ASTN2: variants seen among roughly 807,000 people sequenced by gnomAD.
ASTN2 encodes the protein astrotactin 2, also known as astrotactin-2.
ASTN2 carries 54 observed loss-of-function variants against 139.8 expected under a neutral mutation model. The ratio of observed to expected loss-of-function variants is 0.39; its 90% CI spans 0.31 to 0.48. The LOEUF (loss-of-function observed/expected upper bound fraction) is 0.48, where lower values mean the gene tolerates loss of function less well. ASTN2 is among the 20% of genes least tolerant of loss of function. The probability of loss-of-function intolerance (pLI) is 0.95; values close to 1 mark genes in which losing one functional copy is unlikely to be tolerated. For missense variants in ASTN2, 1,565 were observed against 1,725.1 expected, an observed-to-expected ratio of 0.91 and a Z score of 1.64; for synonymous variants, 756 against 719.5, an observed-to-expected ratio of 1.05 and a Z score of -0.81.
chr9:116,826,751 G>A lies in ASTN2; in HGVS notation c.2041-5968C>T, dbSNP rs146966570. ...CCCTCAAAAACCTACTAACACTGAA[G>A]CCAGTGTAAGCTACTTCGGGGCCTA... On this transcript the variant is annotated intron_variant, in intron 11 of 22. Transcript: ENST00000313400. 2.6e-5 allele frequency among the ~76,000 whole-genome samples: 4 copies of A among 152,174 alleles called. No individual in the cohort carries two copies. The East Asian group carries it at 7.8e-4, about 30-fold the overall frequency.
At chr9:116,610,049 G>T (rs979079400) in intron 19 of ASTN2, among the ~76,000 whole-genome samples, 2 of 151,604 alleles carry the variant, frequency 1.3e-5, no homozygotes, top group African/African-American at 4.8e-5. Flanking sequence ...AATAAAAGAT[G>T]GGATAATATT....
intron 6 of ASTN2, among the ~76,000 whole-genome samples, chr9:117,028,885 G>C (rs1838171982): frequency 6.6e-6 from 1 of 152,134 alleles, no homozygotes; most frequent in African/African-American, 2.4e-5. Flanking sequence ...CTCCATTTAA[G>C]ATACTGGGGC....
intron 1 of ASTN2, among the ~76,000 whole-genome samples, chr9:117,303,993 T>C (rs1016642521): frequency 6.6e-6 from 1 of 152,196 alleles, no homozygotes; most frequent in Non-Finnish European, 1.5e-5. Flanking sequence ...ATGGCCCATC[T>C]GCCTATGCTG....
At chr9:116,587,841 G>A (rs1218700993) in intron 19 of ASTN2, among the ~76,000 whole-genome samples, 1 of 110,316 alleles carries the variant, frequency 9.1e-6, no homozygotes, top group Non-Finnish European at 1.9e-5. Context: ...TTACTGAAAG[G>A]CAGGAGATGC....
At chr9:116,896,795 G>A (rs751659614) in intron 10 of ASTN2, among the ~76,000 whole-genome samples, 11 of 152,124 alleles carry the variant, frequency 7.2e-5, no homozygotes, top group Non-Finnish European at 1.3e-4. Flanking sequence ...GATCTCATGA[G>A]AACTCACTCA....
At chr9:117,193,221 T>C (rs1410486036) in intron 3 of ASTN2, among the ~76,000 whole-genome samples, 2 of 152,128 alleles carry the variant, frequency 1.3e-5, no homozygotes, top group African/African-American at 4.8e-5. Flanking sequence ...AGGACAGAAC[T>C]ATGAGCCTTC....
At chr9:116,770,424 A>T (rs537100319) in intron 13 of ASTN2, among the ~76,000 whole-genome samples, 37 of 152,250 alleles carry the variant, frequency 2.4e-4, no homozygotes, top group African/African-American at 8.7e-4. Context: ...CAGGTGCCTT[A>T]TATACAATAT....
At chr9:116,996,183 C>A (rs867297095) in intron 7 of ASTN2, among the ~76,000 whole-genome samples, 1 of 152,066 alleles carries the variant, frequency 6.6e-6, no homozygotes, top group African/African-American at 2.4e-5. Context: ...GCCACCACAC[C>A]CAGCCCCCAT....
At chr9:116,580,164 G>T (rs1440314235) in intron 19 of ASTN2, among the ~76,000 whole-genome samples, 1 of 152,200 alleles carries the variant, frequency 6.6e-6, no homozygotes, top group African/African-American at 2.4e-5. Flanking sequence ...ATAACTAGAG[G>T]CCCTTCGTTG....
rs751612533 is a variant in ASTN2, at chr9:116,862,807, T to TACACACAC, written c.2040+768_2040+775dup. ...TTCAAGATACCCCAACACACACAAATACACACACACACACACACACACACA... is the reference window on the plus strand; with the variant it reads ...TTCAAGATACCCCAACACACACAAATACACACACACACACACACACACACACACACACA... On this transcript the variant is annotated intron_variant, in intron 11 of 22. Transcript: ENST00000313400. Among the ~76,000 whole-genome samples, 707 of 90,902 alleles carry TACACACAC rather than the reference T, an allele frequency of 7.8e-3. 1 individual carries two copies. Among genetic ancestry groups the TACACACAC allele is most frequent in the East Asian group, 0.021 (66 of 3,084 alleles). 59.6% of individuals were successfully genotyped at this position (90,902 alleles called of 152,430 possible).
intron 2 of ASTN2, among the ~76,000 whole-genome samples, chr9:117,255,351 C>T (rs751634930): frequency 1.3e-5 from 2 of 152,230 alleles, no homozygotes; most frequent in African/African-American, 2.4e-5. Context: ...TACTGAATGC[C>T]TACCATGTGC....
chr9:116,769,511 T>C (rs1169823142), intron 13 of ASTN2, among the ~76,000 whole-genome samples: 1 of 152,138 alleles, frequency 6.6e-6, no homozygotes, highest in African/African-American at 2.4e-5. Flanking sequence ...CAAACACTTA[T>C]GGGCTGAAGG....
chr9:116,914,814 C>T lies in ASTN2; in HGVS notation c.1890-51081G>A, dbSNP rs1433894243. 5.9e-5 allele frequency among the ~76,000 whole-genome samples: 9 copies of T among 152,222 alleles called. No homozygotes were observed. In the East Asian group the frequency reaches 1.5e-3, roughly 26 times the overall value. On this transcript the variant is annotated intron_variant, in intron 10 of 22. Coordinates refer to ENST00000313400, the MANE Select transcript of ASTN2 (RefSeq NM_001365068.1). ...TTTAATGTTCGCTGGCTAATTTAAT[C>T]CCTCCCACTGCACCTCAAAGTGGAT... is the stretch of plus-strand genomic sequence containing the variant.
intron 11 of ASTN2, among the ~76,000 whole-genome samples, chr9:116,829,570 AGAG>A (rs1175595158): frequency 6.6e-6 from 1 of 152,130 alleles, no homozygotes; most frequent in Admixed American, 6.6e-5. Context: ...TGAAGAGGAA[AGAG>A]GCACGTCTTC....
chr9:117,116,774 GTC>G (rs1176526460), intron 4 of ASTN2, among the ~76,000 whole-genome samples: 1 of 116,854 alleles, frequency 8.6e-6, no homozygotes, highest in East Asian at 2.9e-4. Flanking sequence ...TTCCTAAAAA[GTC>G]TCTCTGTGTG....
chr9:117,110,732 C>G (rs1052864551), intron 4 of ASTN2, among the ~76,000 whole-genome samples: 1 of 152,174 alleles, frequency 6.6e-6, no homozygotes, highest in Non-Finnish European at 1.5e-5. Context: ...AAGTAGCCAG[C>G]ACAGGATGAA....
intron 11 of ASTN2, among the ~76,000 whole-genome samples, chr9:116,823,512 T>C (rs1220105081): frequency 6.6e-6 from 1 of 152,182 alleles, no homozygotes; most frequent in Non-Finnish European, 1.5e-5. Flanking sequence ...CTAACCTCCT[T>C]ACTTTAGAAG....
chr9:116,515,682 C>G (rs1317009876), intron 19 of ASTN2, among the ~76,000 whole-genome samples: 3 of 152,170 alleles, frequency 2.0e-5, no homozygotes, highest in African/African-American at 4.8e-5. Flanking sequence ...GTTACTGTTA[C>G]TAGCAGCCAA....
At chr9:116,812,375 T>A in intron 12 of ASTN2, among the ~76,000 whole-genome samples, 1 of 150,248 alleles carries the variant, frequency 6.7e-6, no homozygotes, top group Non-Finnish European at 1.5e-5. Flanking sequence ...GAGATAAGCG[T>A]GTTAGTCAGA....
Sources: gnomAD v4.1 joint callset for allele counts (sites outside exome capture counted in the v4.1 genomes callset) on GRCh38, gnomAD v4.1.1 for gene constraint, MANE v1.5 for transcripts, NCBI Gene and HGNC (gene_info 2026-07-23, HGNC 2026-07-21) for gene names.